Variants in YIPF4 observed in about 807,000 individuals in gnomAD.
YIPF4 encodes the protein Yip1 domain family member 4.
YIPF4 carries 18 observed loss-of-function variants against 29.4 expected under a neutral mutation model. That is an observed-to-expected ratio of 0.61 (90% CI 0.42 to 0.91). YIPF4 has a LOEUF of 0.91. YIPF4 is among the 40% of genes least tolerant of loss of function. YIPF4 has a pLI of 0.00. For synonymous variants in YIPF4, 115 were observed against 104.7 expected (o/e 1.10, Z -0.60); for missense variants, 279 against 282.7 (o/e 0.99, Z 0.09).
chr2:32,278,552 A>C (rs1219014042), intron 1 of YIPF4, among the ~76,000 whole-genome samples: 4 of 151,992 alleles, frequency 2.6e-5, no homozygotes, highest in Admixed American at 6.6e-5. Context: ...TTCTGGAATT[A>C]CTCGCCCTTA....
rs2031638589 is a variant in YIPF4, at chr2:32,308,291, AG to A, written c.*2666del. On this transcript the variant is annotated 3_prime_UTR_variant, in exon 6 of 6. Transcript: ENST00000238831. ...TGCCTGGCTAATTTTTTGTATTTTT[AG>A]TAGAGATGGGGTTTCACCGTGTTAA... The A allele has an allele frequency of 3.9e-5, 6 of 152,132 alleles. No homozygotes were observed. Among genetic ancestry groups the A allele is most frequent in the Admixed American group, 3.9e-4 (6 of 15,288 alleles). The allele number at this position is 152,132 out of a possible 1,614,324, so 9.4% of individuals were successfully genotyped here.
Position 32,307,819 on chromosome 2 carries a change from C to T in YIPF4, c.*2193C>T, listed in dbSNP as rs535885693. ...GCAGGCGCCTGTATAATCCCAGCTACTCAGGAGGCTGAGGCAGGGAGAATC... is the reference window on the plus strand; with the variant it reads ...GCAGGCGCCTGTATAATCCCAGCTATTCAGGAGGCTGAGGCAGGGAGAATC... On this transcript the variant is annotated 3_prime_UTR_variant, in exon 6 of 6. Coordinates refer to ENST00000238831, the MANE Select transcript of YIPF4 (RefSeq NM_032312.4). 67 of 149,826 alleles carry T rather than the reference C, an allele frequency of 4.5e-4. No individual in the cohort carries two copies. The highest frequency in any genetic ancestry group is 1.6e-3 in the African/African-American group (65 of 40,704). The allele number at this position is 149,826 out of a possible 1,614,324, so 9.3% of individuals were successfully genotyped here. A position where few individuals can be genotyped will look rare whatever the true frequency, so the allele number is the denominator to read the frequency against.
rs574750024 is a variant in YIPF4 at position 32,291,401 on chromosome 2, G to A, written c.233+765G>A. ...AATACAAAAAAAGAAAAAATTAGCCGGGCGTGGTGTCAGGGGCCTGTAGTC... is the reference window on the plus strand; with the variant it reads ...AATACAAAAAAAGAAAAAATTAGCCAGGCGTGGTGTCAGGGGCCTGTAGTC... On this transcript the variant is annotated intron_variant, in intron 2 of 5. Transcript: ENST00000238831. Among the ~76,000 whole-genome samples, 4 of 152,218 alleles carry A rather than the reference G, an allele frequency of 2.6e-5. No homozygotes were observed. The South Asian group carries it at 8.3e-4, about 32-fold the overall frequency.
chr2:32,286,766 G>C (rs901584938), intron 1 of YIPF4, among the ~76,000 whole-genome samples: 1 of 151,928 alleles, frequency 6.6e-6, no homozygotes, highest in Non-Finnish European at 1.5e-5. Context: ...GGATTGTCTC[G>C]ATCTCTTGAC....
chr2:32,284,939 G>A (rs2030601502), intron 1 of YIPF4, among the ~76,000 whole-genome samples: 1 of 152,206 alleles, frequency 6.6e-6, no homozygotes, highest in Non-Finnish European at 1.5e-5. Flanking sequence ...AAAAGCAACT[G>A]GGGGAGGGAG....
At chr2:32,280,922 A>G (rs893805942) in intron 1 of YIPF4, among the ~76,000 whole-genome samples, 1 of 152,370 alleles carries the variant, frequency 6.6e-6, no homozygotes, top group South Asian at 2.1e-4. Flanking sequence ...GTGTCAGAAC[A>G]TGATGTTTGT....
At chr2:32,292,618 TTTGG>T (rs2030965987) in intron 3 of YIPF4, among the ~76,000 whole-genome samples, 4 of 151,736 alleles carry the variant, frequency 2.6e-5, no homozygotes, top group Non-Finnish European at 5.9e-5. Context: ...ATCCCAGCAC[TTTGG>T]GAGGCCGAGG....
In YIPF4 at chr2:32,312,606, A is replaced by G. The variant is rs2031736666; in HGVS notation, c.*6980A>G. On this transcript the variant is annotated 3_prime_UTR_variant, in exon 6 of 6. Transcript: ENST00000238831. The stretch of plus-strand genomic sequence containing the variant: ...TTTGAATTTGGCACCCTGAATGTGA[A>G]GGGACAATAGATATTAATCACATAT... 6.6e-6 allele frequency: 1 copy of G among 151,824 alleles called. No homozygotes were observed. The highest frequency in any genetic ancestry group is 2.4e-5 in the African/African-American group (1 of 41,344). 9.4% of individuals were successfully genotyped at this position (151,824 alleles called of 1,614,324 possible). A position where few individuals can be genotyped will look rare whatever the true frequency, so the allele number is the denominator to read the frequency against.
rs777319028 is a variant in YIPF4, at chr2:32,307,114, C to G, written c.*1488C>G. 9.3e-6 allele frequency: 12 copies of G among 1,296,448 alleles called. No homozygotes were observed. The highest frequency in any genetic ancestry group is 8.8e-5 in the South Asian group (7 of 79,580). 80.3% of individuals were successfully genotyped at this position (1,296,448 alleles called of 1,614,324 possible). On this transcript the variant is annotated 3_prime_UTR_variant, in exon 6 of 6. Coordinates refer to ENST00000238831, the MANE Select transcript of YIPF4 (RefSeq NM_032312.4). ...TTTTTTTAAAAACAGGTGAGAAGCA[C>G]CAGAGGGACAGGACTTCTAGAAGTT...
intron 1 of YIPF4, among the ~76,000 whole-genome samples, chr2:32,278,447 C>T (rs1357480325): frequency 6.6e-6 from 1 of 152,064 alleles, no homozygotes; most frequent in African/African-American, 2.4e-5. Context: ...TCAAGTTACT[C>T]GGTCAGCCCT....
At chr2:32,292,418 T>C (rs2030957762) in intron 3 of YIPF4, 70 bp downstream of exon 3, 1 of 1,152,336 alleles carries the variant, frequency 8.7e-7, no homozygotes. Flanking sequence ...TAATAAGATA[T>C]TAACTGTAAT....
intron 2 of YIPF4, among the ~76,000 whole-genome samples, chr2:32,291,596 T>C (rs2030917985): frequency 1.3e-5 from 2 of 152,098 alleles, no homozygotes; most frequent in Admixed American, 6.6e-5. Context: ...CTATTGATTA[T>C]AAGATGAAGT....
In YIPF4 at chr2:32,295,044, G is replaced by C. The variant is rs537783430; in HGVS notation, c.405+2696G>C. ...ACAGTCCAGCTTCGGCTCGGCATCA[G>C]AGGGAGAGGGGGAGGGGGAGGGGGA... On this transcript the variant is annotated intron_variant, in intron 3 of 5. Transcript: ENST00000238831. Among the ~76,000 whole-genome samples the C allele has an allele frequency of 9.3e-5, 14 of 150,940 alleles. No homozygotes were observed. In the South Asian group the frequency reaches 3.0e-3, roughly 32 times the overall value.
At chr2:32,302,455 T>A (rs2031438326) in intron 5 of YIPF4, among the ~76,000 whole-genome samples, 1 of 152,230 alleles carries the variant, frequency 6.6e-6, no homozygotes, top group South Asian at 2.1e-4. Context: ...TAACTGCTAC[T>A]CCTGTTTGAA....
Position 32,301,484 on chromosome 2 carries a change from A to G in YIPF4, c.586A>G (p.Thr196Ala). The change falls in exon 5 of 6, where the codon ACA (threonine) becomes GCA (alanine). Residue 196 changes from threonine to alanine, a missense_variant. Coordinates refer to ENST00000238831, the MANE Select transcript of YIPF4 (RefSeq NM_032312.4). ...GGTTGGATCATTTGAAGTGGTGTCT[A>G]CACTTATAAAAGTAAGTTAAGGATT... ...LVVGSFEVVSTLIKLFGVFWA... is the reference protein window; with the variant it reads ...LVVGSFEVVSALIKLFGVFWA... 3 of 1,603,212 alleles carry G rather than the reference A, an allele frequency of 1.9e-6. No individual in the cohort carries two copies. The highest frequency in any genetic ancestry group is 2.6e-6 in the Non-Finnish European group (3 of 1,170,538).
intron 3 of YIPF4, 62 bp downstream of exon 3, chr2:32,292,410 A>T: frequency 8.1e-7 from 1 of 1,230,656 alleles, no homozygotes; most frequent in South Asian, 2.1e-5. Flanking sequence ...ATTAAATATA[A>T]TAAGATATTA....
intron 5 of YIPF4, among the ~76,000 whole-genome samples, chr2:32,303,905 T>A (rs969851612): frequency 1.3e-5 from 2 of 152,220 alleles, no homozygotes; most frequent in Middle Eastern, 3.2e-3. Flanking sequence ...TCCTGGTGTG[T>A]GTTTTTTCAC....
chr2:32,302,135 ATTC>A (rs1477636682), intron 5 of YIPF4, among the ~76,000 whole-genome samples: 1 of 148,572 alleles, frequency 6.7e-6, no homozygotes, highest in Non-Finnish European at 1.5e-5. Context: ...GGTTCAAGCC[ATTC>A]TTCTGCTTCA....
intron 5 of YIPF4, among the ~76,000 whole-genome samples, chr2:32,302,161 G>C (rs901684304): frequency 5.3e-5 from 8 of 151,286 alleles, no homozygotes; most frequent in Non-Finnish European, 1.5e-5. Context: ...CTCTCATGTA[G>C]CTGGGACTAC....
Sources: allele counts gnomAD v4.1 joint callset (sites outside exome capture counted in the v4.1 genomes callset), GRCh38; gene constraint gnomAD v4.1.1; transcripts MANE v1.5; gene names NCBI Gene and HGNC (gene_info 2026-07-23, HGNC 2026-07-21).